The following TMEM108 variants were observed in gnomAD, a reference collection of about 807,000 sequenced individuals.
The protein encoded by TMEM108 is transmembrane protein 108.
Under a neutral mutation model 35.1 loss-of-function variants are expected in TMEM108, and 12 were observed. That is an observed-to-expected ratio of 0.34 (90% CI 0.22 to 0.55). TMEM108 has a LOEUF of 0.55. TMEM108 is among the 20% of genes least tolerant of loss of function. TMEM108 has a pLI of 0.89. For missense variants in TMEM108, 680 were observed against 753.3 expected (o/e 0.90, Z 1.14); for synonymous variants, 287 against 308.6 (o/e 0.93, Z 0.73).
At chr3:133,206,697 C>T (rs1479223703) in intron 2 of TMEM108, among the ~76,000 whole-genome samples, 1 of 152,186 alleles carries the variant, frequency 6.6e-6, no homozygotes, top group Non-Finnish European at 1.5e-5. Flanking sequence ...GGGGCACCCA[C>T]CAGATGCCAG....
intron 2 of TMEM108, among the ~76,000 whole-genome samples, chr3:133,190,782 C>T (rs1945486732): frequency 6.6e-6 from 1 of 152,184 alleles, no homozygotes; most frequent in South Asian, 2.1e-4. Flanking sequence ...GTGCTGGGCA[C>T]TGTGCTAGCT....
At chr3:133,369,489 A>G (rs1352193726) in intron 3 of TMEM108, among the ~76,000 whole-genome samples, 1 of 152,188 alleles carries the variant, frequency 6.6e-6, no homozygotes, top group Non-Finnish European at 1.5e-5. Context: ...GGCTGTTTAT[A>G]TTACATGGGT....
intron 2 of TMEM108, among the ~76,000 whole-genome samples, chr3:133,135,386 C>T (rs190734008): frequency 3.0e-4 from 45 of 152,182 alleles, no homozygotes; most frequent in African/African-American, 9.2e-4. Flanking sequence ...GTGAGGAGAG[C>T]GTCTCAGGAA....
intron 3 of TMEM108, among the ~76,000 whole-genome samples, chr3:133,306,993 G>C (rs1474436024): frequency 6.6e-6 from 1 of 152,186 alleles, no homozygotes; most frequent in Non-Finnish European, 1.5e-5. Context: ...CACCAACAGT[G>C]TAAAAGTGTT....
At chr3:133,215,763 A>G (rs12639218) in intron 2 of TMEM108, among the ~76,000 whole-genome samples, 18,387 of 151,674 alleles carry the variant, frequency 0.12, 1,508 homozygotes, top group East Asian at 0.38. Flanking sequence ...ATATACCTGT[A>G]TTTTTTTTCC....
intron 2 of TMEM108, among the ~76,000 whole-genome samples, chr3:133,112,922 T>G (rs1440354892): frequency 6.6e-6 from 1 of 152,176 alleles, no homozygotes; most frequent in East Asian, 1.9e-4. Context: ...GGCACACATT[T>G]AAAAACTTTG....
At chr3:133,363,820 A>G (rs2072427368) in intron 3 of TMEM108, among the ~76,000 whole-genome samples, 1 of 152,258 alleles carries the variant, frequency 6.6e-6, no homozygotes, top group South Asian at 2.1e-4. Flanking sequence ...GAAAATTAAT[A>G]ATTAGCCCAA....
chr3:133,151,259 G>A (rs1944796734), intron 2 of TMEM108, among the ~76,000 whole-genome samples: 1 of 152,092 alleles, frequency 6.6e-6, no homozygotes, highest in South Asian at 2.1e-4. Flanking sequence ...TGAGGGAAGG[G>A]AACATGTTTG....
intron 3 of TMEM108, among the ~76,000 whole-genome samples, chr3:133,299,758 A>G (rs1054368694): frequency 4.6e-5 from 7 of 152,018 alleles, no homozygotes; most frequent in Non-Finnish European, 1.0e-4. Context: ...CTTCAACCCA[A>G]CACACACACA....
At chr3:133,393,198 T>A (rs2073258624) in intron 5 of TMEM108, among the ~76,000 whole-genome samples, 1 of 152,216 alleles carries the variant, frequency 6.6e-6, no homozygotes, top group Non-Finnish European at 1.5e-5. Flanking sequence ...CTCAATTCCT[T>A]CAGGTCTCTG....
At chr3:133,121,805 G>T (rs928776851) in intron 2 of TMEM108, among the ~76,000 whole-genome samples, 1 of 152,148 alleles carries the variant, frequency 6.6e-6, no homozygotes, top group African/African-American at 2.4e-5. Flanking sequence ...TCTCGAGTTT[G>T]TAAGAAAAAA....
intron 3 of TMEM108, among the ~76,000 whole-genome samples, chr3:133,299,931 G>A (rs1021479214): frequency 6.6e-6 from 1 of 152,110 alleles, no homozygotes; most frequent in Non-Finnish European, 1.5e-5. Flanking sequence ...CTGAAAATCA[G>A]AGTGGAGAAA....
At chr3:133,242,433 A>G (rs1196553591) in intron 3 of TMEM108, among the ~76,000 whole-genome samples, 3 of 152,236 alleles carry the variant, frequency 2.0e-5, no homozygotes, top group Admixed American at 1.3e-4. Flanking sequence ...AAGTTTAACC[A>G]TAAAGTGAGA....
chr3:133,257,444 A>G (rs1233908718), intron 3 of TMEM108, among the ~76,000 whole-genome samples: 1 of 152,240 alleles, frequency 6.6e-6, no homozygotes, highest in Non-Finnish European at 1.5e-5. Flanking sequence ...ACATTGTTGC[A>G]TGGCTTAAGC....
chr3:133,362,287 G>T (rs961594918), intron 3 of TMEM108, among the ~76,000 whole-genome samples: 1 of 152,208 alleles, frequency 6.6e-6, no homozygotes, highest in African/African-American at 2.4e-5. Context: ...GAAACTGGTT[G>T]TGGGTGGGGT....
chr3:133,300,510 G>A (rs1250300613), intron 3 of TMEM108, among the ~76,000 whole-genome samples: 1 of 152,140 alleles, frequency 6.6e-6, no homozygotes, highest in Admixed American at 6.5e-5. Flanking sequence ...GAAGGAAGAA[G>A]TTTATACTCA....
chr3:133,306,776 G>C (rs567889716), intron 3 of TMEM108, among the ~76,000 whole-genome samples: 15 of 152,152 alleles, frequency 9.9e-5, no homozygotes, highest in African/African-American at 2.9e-4. Context: ...ATTGATGGAC[G>C]TTTGGGTTGG....
intron 2 of TMEM108, among the ~76,000 whole-genome samples, chr3:133,084,410 A>G (rs1356049102): frequency 6.6e-6 from 1 of 152,150 alleles, no homozygotes; most frequent in Non-Finnish European, 1.5e-5. Context: ...ATGGCCTCAA[A>G]TTTAGTTTGG....
chr3:133,064,545 G>A (rs935182809), intron 2 of TMEM108, among the ~76,000 whole-genome samples: 13 of 152,000 alleles, frequency 8.6e-5, no homozygotes, highest in African/African-American at 2.9e-4. Flanking sequence ...CCTTTACAAG[G>A]ATATTGTACA....
Sources: allele counts gnomAD v4.1 joint callset (sites outside exome capture counted in the v4.1 genomes callset), GRCh38; gene constraint gnomAD v4.1.1; transcripts MANE v1.5; gene names NCBI Gene and HGNC (gene_info 2026-07-23, HGNC 2026-07-21).